The following MFSD12 variants were observed in gnomAD, a reference collection of about 807,000 sequenced individuals.
MFSD12 encodes the protein major facilitator superfamily domain containing 12, also known as major facilitator superfamily domain-containing protein 12.
Under a neutral mutation model 51.2 loss-of-function variants are expected in MFSD12, and 67 were observed. The observed-to-expected ratio is 1.31, with a 90% CI of 1.08 to 1.60. The LOEUF (loss-of-function observed/expected upper bound fraction) is 1.60. Among genes scored for constraint, MFSD12 ranks in the 40% most tolerant of loss-of-function variants. The pLI is 0.00. For synonymous variants in MFSD12, 441 were observed against 316.7 expected, an observed-to-expected ratio of 1.39 and a Z score of -4.17; for missense variants, 921 against 673.0, an observed-to-expected ratio of 1.37 and a Z score of -4.08.
downstream of MFSD12, chr19:3,541,968 CCTGA>C (rs1321096026): frequency 2.5e-6 from 1 of 401,280 alleles, no homozygotes; most frequent in Admixed American, 6.4e-5. Flanking sequence ...CATCACCACA[CCTGA>C]CTAATTTTTG....
At chr19:3,554,468 A>G (rs1011185394) in intron 1 of MFSD12, among the ~76,000 whole-genome samples, 3 of 139,428 alleles carry the variant, frequency 2.2e-5, no homozygotes, top group Non-Finnish European at 3.2e-5. Context: ...AAAAAAAAAG[A>G]AAGAAAGTTC....
intron 6 of MFSD12, 85 bp downstream of exon 6, chr19:3,547,187 G>A (rs947715767): frequency 2.2e-5 from 27 of 1,254,878 alleles, no homozygotes; most frequent in African/African-American, 2.9e-5. Flanking sequence ...GAGAGCATCC[G>A]AGGATGGAAC....
intron 2 of MFSD12, among the ~76,000 whole-genome samples, chr19:3,549,048 C>G (rs201338021): frequency 1.3e-5 from 2 of 152,116 alleles, no homozygotes; most frequent in African/African-American, 4.8e-5. Flanking sequence ...CTGAAATACG[C>G]GGGAGAGAAG....
At chr19:3,556,343 C>G (rs1638542) in intron 1 of MFSD12, among the ~76,000 whole-genome samples, 89,527 of 152,098 alleles carry the variant, frequency 0.59, 27,286 homozygotes, top group East Asian at 0.86. Flanking sequence ...GGCCCGGGGG[C>G]TCAGACAAAC....
At position 3,553,547 on chromosome 19, in the gene MFSD12, T is replaced by C. The variant is rs529974480; in HGVS notation, c.299-2353A>G. On this transcript the variant is annotated intron_variant, in intron 1 of 9. Transcript: ENST00000355415. ...ACTTTGGGAGACCGAGGCGGGTGGA[T>C]CATGAGGTCAGGAGATCGAGACCAT... 1.6e-3 allele frequency among the ~76,000 whole-genome samples: 233 copies of C among 148,462 alleles called. 2 individuals carry two copies. The highest frequency in any genetic ancestry group is 5.5e-3 in the African/African-American group (222 of 40,160).
chr19:3,543,179 G>A (rs549129993), downstream of MFSD12: 58 of 1,525,468 alleles, frequency 3.8e-5, no homozygotes, highest in Non-Finnish European at 4.8e-5. Context: ...ATCGCAAAGG[G>A]GTCAAAGCAC....
downstream of MFSD12, chr19:3,544,065 A>C: frequency 6.8e-7 from 1 of 1,472,462 alleles, no homozygotes. Context: ...GGGGGCACTA[A>C]CCTAGTCCCA....
At chr19:3,547,824 A>G in intron 4 of MFSD12, 24 bp downstream of exon 4, 3 of 1,471,016 alleles carry the variant, frequency 2.0e-6, no homozygotes, top group Non-Finnish European at 2.7e-6. Context: ...GGCCCACGCC[A>G]GCCCCACCGT....
intron 2 of MFSD12, among the ~76,000 whole-genome samples, chr19:3,548,949 ACAGG>A (rs2031291296): frequency 7.4e-6 from 1 of 135,944 alleles, no homozygotes; most frequent in African/African-American, 3.6e-5. Flanking sequence ...CTGGTGATAC[ACAGG>A]CAGATGTGGA....
chr19:3,542,496 C>CA (rs1001481416), downstream of MFSD12: 1 of 978,728 alleles, frequency 1.0e-6, no homozygotes, highest in Non-Finnish European at 1.2e-6. Context: ...GTTTTTGAGA[C>CA]AGAGTCTCAC....
downstream of MFSD12, chr19:3,543,816 G>C (rs756647098): frequency 7.0e-5 from 105 of 1,510,724 alleles, no homozygotes; most frequent in Middle Eastern, 1.1e-3. Flanking sequence ...GGTGACCCGA[G>C]TCCCACCTAC....
At chr19:3,543,742 G>A (rs1599816288), downstream of MFSD12, 3 of 1,494,266 alleles carry the variant, frequency 2.0e-6, no homozygotes, top group South Asian at 1.3e-5. Flanking sequence ...CTAGGCCAGG[G>A]TGAAACTGCC....
chr19:3,540,089 CTTTTTTTTTTTTTT>C (rs770199097), downstream of MFSD12: 1 of 88,190 alleles, frequency 1.1e-5, no homozygotes, highest in African/African-American at 3.9e-5. Flanking sequence ...CATCTCTTTT[CTTTTTTTTTTTTTT>C]TTTTTTTTTT....
downstream of MFSD12, chr19:3,543,480 G>GCA: frequency 2.2e-6 from 3 of 1,337,366 alleles, no homozygotes; most frequent in Non-Finnish European, 3.0e-6. Context: ...TCGGGTGAGT[G>GCA]CCCCCCCCCC....
chr19:3,539,205 C>A (rs11668417), downstream of MFSD12: 4 of 1,549,600 alleles, frequency 2.6e-6, no homozygotes, highest in Middle Eastern at 3.4e-4. Context: ...AGAGGCTGCA[C>A]GGCCCTGTAT....
chr19:3,549,610 C>A (rs2031346442), intron 2 of MFSD12, among the ~76,000 whole-genome samples: 2 of 151,432 alleles, frequency 1.3e-5, no homozygotes, highest in African/African-American at 2.4e-5. Context: ...GTAGTCCCAG[C>A]TACTCGGGAG....
rs999499393 is a variant in MFSD12, at chr19:3,552,465, G to A, written c.299-1271C>T. On this transcript the variant is annotated intron_variant, in intron 1 of 9. Transcript: ENST00000355415. Reference sequence around the variant, plus strand: ...TTACAGGCGTGAGCCACCGCGCCCCGCCTTTTTTTTTTTTTTTTTTTTTTT... The same window carrying A: ...TTACAGGCGTGAGCCACCGCGCCCCACCTTTTTTTTTTTTTTTTTTTTTTT... 1.7e-4 allele frequency among the ~76,000 whole-genome samples: 16 copies of A among 96,886 alleles called. 1 individual carries two copies. The South Asian group carries it at 2.9e-3, about 18-fold the overall frequency. The allele number at this position is 96,886 out of a possible 152,430, so 63.6% of individuals were successfully genotyped here.
Position 3,547,557 on chromosome 19 carries a change from G to T in MFSD12, c.838-10C>A. The T allele has an allele frequency of 6.2e-7, 1 of 1,600,852 alleles. No homozygotes were observed. The highest frequency in any genetic ancestry group is 1.1e-5 in the South Asian group (1 of 89,748). The stretch of plus-strand genomic sequence containing the variant: ...TGTACAGTATGCCCACCTGTGGGCA[G>T]ACCGACAGAGGGACTGGCAGGGGTC... On this transcript the variant is annotated splice_polypyrimidine_tract_variant and intron_variant, in intron 4 of 9. Transcript: ENST00000355415.
downstream of MFSD12, chr19:3,539,555 G>C: frequency 6.7e-6 from 3 of 446,308 alleles, no homozygotes; most frequent in Non-Finnish European, 4.1e-6. Context: ...TGAAATCCAG[G>C]CCTGTGCGGG....
Sources: gnomAD v4.1 joint callset for allele counts (sites outside exome capture counted in the v4.1 genomes callset) on GRCh38, gnomAD v4.1.1 for gene constraint, MANE v1.5 for transcripts, NCBI Gene and HGNC (gene_info 2026-07-23, HGNC 2026-07-21) for gene names.